Variants in TSPAN18 observed in about 807,000 individuals in gnomAD.
The protein encoded by TSPAN18 is tetraspanin 18, also known as tetraspanin-18.
Under a neutral mutation model 27.3 loss-of-function variants are expected in TSPAN18, and 14 were observed. The observed-to-expected ratio is 0.51, with a 90% CI of 0.34 to 0.80. The LOEUF is 0.80. Ranked by LOEUF, TSPAN18 falls within the 30% of genes least tolerant of loss-of-function variation. The pLI is 0.01. For missense variants in TSPAN18, 268 were observed against 323.9 expected (o/e 0.83, Z 1.32); for synonymous variants, 143 against 136.5 (o/e 1.05, Z -0.33).
At chr11:44,918,422 T>G (rs964732849) in intron 6 of TSPAN18, among the ~76,000 whole-genome samples, 5 of 151,960 alleles carry the variant, frequency 3.3e-5, no homozygotes, top group Admixed American at 2.0e-4. Flanking sequence ...CTGGCTGGTA[T>G]CCTCCTGGGT....
intron 3 of TSPAN18, among the ~76,000 whole-genome samples, chr11:44,871,509 C>G (rs1466726974): frequency 6.6e-6 from 1 of 152,194 alleles, no homozygotes; most frequent in Non-Finnish European, 1.5e-5. Flanking sequence ...CCACACATCA[C>G]CAGTAAGTGA....
At position 44,908,454 on chromosome 11, in the gene TSPAN18, C is replaced by T. The variant is rs576947151; in HGVS notation, c.64-1251C>T. ...CTGTGCCCAAGAAAAATGGAATAGG[C>T]TGGGCGCAGTGGCTCACACCTGTAA... On this transcript the variant is annotated intron_variant, in intron 4 of 9. Coordinates refer to ENST00000520358, the MANE Select transcript of TSPAN18 (RefSeq NM_130783.5). Among the ~76,000 whole-genome samples, 304 of 152,204 alleles carry T rather than the reference C, an allele frequency of 2.0e-3. 2 individuals are homozygous for T. Among genetic ancestry groups the T allele is most frequent in the African/African-American group, 6.5e-3 (270 of 41,520 alleles).
intron 2 of TSPAN18, among the ~76,000 whole-genome samples, chr11:44,804,268 A>T (rs835816): frequency 0.97 from 147,585 of 152,276 alleles, 71,697 homozygotes; most frequent in Middle Eastern, 1. Flanking sequence ...CACACCCAGC[A>T]AATTTTTGTA....
At chr11:44,768,114 A>G (rs1855611481) in intron 2 of TSPAN18, among the ~76,000 whole-genome samples, 1 of 152,192 alleles carries the variant, frequency 6.6e-6, no homozygotes, top group African/African-American at 2.4e-5. Flanking sequence ...TAAACCTTAG[A>G]ATCAGTTTGT....
chr11:44,925,621 T>C (rs1860323973), intron 8 of TSPAN18: 1 of 152,120 alleles, frequency 6.6e-6, no homozygotes. Context: ...CACCCAAGAA[T>C]CCCCGGTCTC....
At chr11:44,877,067 G>A (rs1343633239) in intron 3 of TSPAN18, among the ~76,000 whole-genome samples, 2 of 152,222 alleles carry the variant, frequency 1.3e-5, no homozygotes, top group Non-Finnish European at 2.9e-5. Context: ...GAGGATCTTT[G>A]TGTGCACAAA....
At chr11:44,831,856 C>G (rs1027073080) in intron 2 of TSPAN18, among the ~76,000 whole-genome samples, 2 of 152,002 alleles carry the variant, frequency 1.3e-5, no homozygotes, top group Admixed American at 6.6e-5. Context: ...GTCCAGGAAG[C>G]CTTCTTGGAG....
chr11:44,802,831 TG>T (rs1306354257), intron 2 of TSPAN18, among the ~76,000 whole-genome samples: 1 of 152,212 alleles, frequency 6.6e-6, no homozygotes, highest in African/African-American at 2.4e-5. Flanking sequence ...AAGCCTTCCT[TG>T]GGGTCTGCTC....
intron 1 of TSPAN18, among the ~76,000 whole-genome samples, chr11:44,743,496 A>G (rs1335534063): frequency 6.6e-6 from 1 of 152,198 alleles, no homozygotes; most frequent in Non-Finnish European, 1.5e-5. Context: ...TCCATGTGAC[A>G]TGGGACAACA....
At chr11:44,827,111 G>A (rs1857060207) in intron 2 of TSPAN18, among the ~76,000 whole-genome samples, 1 of 152,204 alleles carries the variant, frequency 6.6e-6, no homozygotes. Context: ...CGCCAACTCT[G>A]CCACTGCGCT....
intron 2 of TSPAN18, among the ~76,000 whole-genome samples, chr11:44,823,676 T>A (rs1856975962): frequency 6.6e-6 from 1 of 152,140 alleles, no homozygotes; most frequent in African/African-American, 2.4e-5. Context: ...TTTCAGGCTT[T>A]AAACTGTCTT....
intron 1 of TSPAN18, among the ~76,000 whole-genome samples, chr11:44,732,426 G>C (rs774518699): frequency 6.6e-6 from 1 of 152,142 alleles, no homozygotes; most frequent in African/African-American, 2.4e-5. Context: ...TTTGATCCTC[G>C]GTTGATCTGA....
At chr11:44,852,111 C>A (rs1019890733) in intron 2 of TSPAN18, among the ~76,000 whole-genome samples, 47 of 152,340 alleles carry the variant, frequency 3.1e-4, no homozygotes, top group African/African-American at 9.9e-4. Flanking sequence ...AATGTCTCTG[C>A]AGGGATTTCA....
At chr11:44,809,555 AGC>A (rs1856671009) in intron 2 of TSPAN18, among the ~76,000 whole-genome samples, 3 of 152,214 alleles carry the variant, frequency 2.0e-5, no homozygotes, top group African/African-American at 7.2e-5. Context: ...CGAATAACCC[AGC>A]TTCTCGCTTG....
At chr11:44,891,212 T>C (rs1011433935) in intron 3 of TSPAN18, among the ~76,000 whole-genome samples, 3 of 152,114 alleles carry the variant, frequency 2.0e-5, no homozygotes, top group African/African-American at 7.2e-5. Flanking sequence ...ATATAAATGG[T>C]TTCCTTTTTA....
chr11:44,903,905 T>A (rs1426237934), intron 3 of TSPAN18: 1 of 456,528 alleles, frequency 2.2e-6, no homozygotes, highest in African/African-American at 2.0e-5. Flanking sequence ...AAAATAAGGA[T>A]AATAAGAGTA....
At chr11:44,749,915 C>T (rs1327009257) in intron 1 of TSPAN18, among the ~76,000 whole-genome samples, 5 of 152,180 alleles carry the variant, frequency 3.3e-5, no homozygotes, top group African/African-American at 4.8e-5. Flanking sequence ...GGATTACAGG[C>T]GTGAGCCACT....
At chr11:44,929,035 G>A in intron 9 of TSPAN18, 96 bp from the exon 10 acceptor site, 1 of 1,475,702 alleles carries the variant, frequency 6.8e-7, no homozygotes, top group African/African-American at 1.4e-5. Flanking sequence ...TGCTAAGAGT[G>A]ACAGGCATTC....
At chr11:44,893,619 C>G (rs1251814215) in intron 3 of TSPAN18, among the ~76,000 whole-genome samples, 1 of 152,196 alleles carries the variant, frequency 6.6e-6, no homozygotes, top group Non-Finnish European at 1.5e-5. Flanking sequence ...GGTTTGCAGT[C>G]CAGCAAAACC....
Sources: allele counts gnomAD v4.1 joint callset (sites outside exome capture counted in the v4.1 genomes callset), GRCh38; gene constraint gnomAD v4.1.1; transcripts MANE v1.5; gene names NCBI Gene and HGNC (gene_info 2026-07-23, HGNC 2026-07-21).